The following PCCA variants were observed in gnomAD, a reference collection of about 807,000 sequenced individuals.
The protein encoded by PCCA is propionyl-CoA carboxylase alpha chain, mitochondrial.
Under a neutral mutation model 101.3 loss-of-function variants are expected in PCCA, and 74 were observed. The ratio of observed to expected loss-of-function variants is 0.73; its 90% CI spans 0.61 to 0.89. The LOEUF (loss-of-function observed/expected upper bound fraction) is 0.89, where lower values mean the gene tolerates loss of function less well. PCCA is among the 40% of genes least tolerant of loss of function. PCCA has a pLI of 0.00. For missense variants in PCCA, 891 were observed against 907.0 expected, an observed-to-expected ratio of 0.98 and a Z score of 0.23; for synonymous variants, 294 against 313.6, an observed-to-expected ratio of 0.94 and a Z score of 0.66.
intron 1 of PCCA, among the ~76,000 whole-genome samples, chr13:100,091,829 C>T (rs1241046049): frequency 1.3e-5 from 2 of 152,108 alleles, no homozygotes; most frequent in African/African-American, 4.8e-5. Flanking sequence ...GTTTTTTCTT[C>T]TGCGTAAATG....
At chr13:100,145,006 T>A (rs1037040252) in intron 4 of PCCA, among the ~76,000 whole-genome samples, 1 of 152,138 alleles carries the variant, frequency 6.6e-6, no homozygotes, top group Non-Finnish European at 1.5e-5. Context: ...CCACACTCAG[T>A]GTCCATGAGG....
intron 10 of PCCA, among the ~76,000 whole-genome samples, chr13:100,267,288 G>A (rs1025012245): frequency 6.6e-6 from 1 of 152,150 alleles, no homozygotes; most frequent in Admixed American, 6.5e-5. Flanking sequence ...ACTTCATGCA[G>A]CCACCTTTGA....
intron 9 of PCCA, among the ~76,000 whole-genome samples, chr13:100,260,399 T>TGTGTG (rs66947557): frequency 0.016 from 2,109 of 131,016 alleles, 51 homozygotes; most frequent in African/African-American, 0.055. Flanking sequence ...GTGTGTGTGT[T>TGTGTG]TTTTTTTTTT....
chr13:100,524,406 T>TGTGTGTGTGTGTGC (rs2087566641), intron 22 of PCCA, among the ~76,000 whole-genome samples: 1 of 150,946 alleles, frequency 6.6e-6, no homozygotes, highest in South Asian at 2.1e-4. Flanking sequence ...TGTGTGTGTG[T>TGTGTGTGTGTGTGC]GTGTGTTGGG....
intron 20 of PCCA, among the ~76,000 whole-genome samples, chr13:100,448,413 G>A (rs2080993425): frequency 6.6e-6 from 1 of 152,066 alleles, no homozygotes; most frequent in Admixed American, 6.6e-5. Context: ...GGCTGGTCTT[G>A]AATTCCTCAC....
chr13:100,260,377 A>AG (rs2062402993), intron 9 of PCCA, among the ~76,000 whole-genome samples: 4 of 51,544 alleles, frequency 7.8e-5, no homozygotes, highest in East Asian at 8.1e-4. Flanking sequence ...CAAGCAAATT[A>AG]GTTGTGTGTG....
intron 21 of PCCA, among the ~76,000 whole-genome samples, chr13:100,493,795 C>T (rs371576621): frequency 4.6e-5 from 7 of 152,198 alleles, no homozygotes; most frequent in African/African-American, 1.7e-4. Context: ...GAACACTATT[C>T]TCCACCTCCC....
intron 8 of PCCA, among the ~76,000 whole-genome samples, chr13:100,248,000 C>T (rs1161431674): frequency 6.6e-6 from 1 of 152,192 alleles, no homozygotes; most frequent in South Asian, 2.1e-4. Context: ...TATTAATATT[C>T]CTAAACAAGC....
At chr13:100,431,110 C>T (rs2079520560) in intron 20 of PCCA, among the ~76,000 whole-genome samples, 1 of 152,082 alleles carries the variant, frequency 6.6e-6, no homozygotes, top group African/African-American at 2.4e-5. Flanking sequence ...AACCCTTGGC[C>T]TTCCCAGACT....
chr13:100,456,703 A>C (rs768647245), intron 21 of PCCA, among the ~76,000 whole-genome samples: 37 of 152,196 alleles, frequency 2.4e-4, no homozygotes, highest in Non-Finnish European at 5.0e-4. Context: ...ATGCACTTAT[A>C]AGAAAGATCA....
At chr13:100,140,525 C>G (rs1220212863) in intron 4 of PCCA, among the ~76,000 whole-genome samples, 1 of 152,196 alleles carries the variant, frequency 6.6e-6, no homozygotes, top group Non-Finnish European at 1.5e-5. Flanking sequence ...GGAGTTCTCT[C>G]CATCAGTGTC....
intron 21 of PCCA, among the ~76,000 whole-genome samples, chr13:100,467,898 T>G (rs985202501): frequency 2.0e-5 from 3 of 152,344 alleles, no homozygotes; most frequent in Middle Eastern, 3.4e-3. Flanking sequence ...AAGAAGGTTT[T>G]CAATTTACTT....
At chr13:100,436,556 A>G (rs2079951378) in intron 20 of PCCA, among the ~76,000 whole-genome samples, 1 of 152,176 alleles carries the variant, frequency 6.6e-6, no homozygotes, top group Non-Finnish European at 1.5e-5. Context: ...TTTTCCTTTC[A>G]ATTTAGTTCT....
intron 18 of PCCA, among the ~76,000 whole-genome samples, chr13:100,357,177 G>C (rs2074042226): frequency 6.6e-6 from 1 of 152,086 alleles, no homozygotes. Flanking sequence ...CACTTCAGAT[G>C]GGTTAAATGT....
intron 19 of PCCA, among the ~76,000 whole-genome samples, chr13:100,372,269 T>C (rs2075618805): frequency 6.6e-6 from 1 of 152,166 alleles, no homozygotes; most frequent in South Asian, 2.1e-4. Context: ...GGAGAAGCTC[T>C]TCAACTCAGT....
At chr13:100,242,642 A>C (rs1399050402) in intron 8 of PCCA, among the ~76,000 whole-genome samples, 2 of 152,226 alleles carry the variant, frequency 1.3e-5, no homozygotes, top group Admixed American at 1.3e-4. Context: ...ATTGAGTTAA[A>C]ATAATTGTTA....
chr13:100,461,052 A>G (rs1298771436), intron 21 of PCCA, among the ~76,000 whole-genome samples: 1 of 152,366 alleles, frequency 6.6e-6, no homozygotes, highest in Admixed American at 6.5e-5. Context: ...TCTGGTCTGC[A>G]TATTTCCATA....
intron 21 of PCCA, among the ~76,000 whole-genome samples, chr13:100,494,064 CTG>C (rs1276060510): frequency 2.6e-5 from 4 of 152,116 alleles, no homozygotes; most frequent in Non-Finnish European, 5.9e-5. Flanking sequence ...TGGTGCACGC[CTG>C]TAATCCCAGC....
intron 12 of PCCA, among the ~76,000 whole-genome samples, chr13:100,287,158 G>C (rs1016647686): frequency 2.6e-5 from 4 of 151,940 alleles, no homozygotes; most frequent in Non-Finnish European, 5.9e-5. Flanking sequence ...GCAGATGTAT[G>C]CAGACCTATT....
Sources: gnomAD v4.1 joint callset for allele counts (sites outside exome capture counted in the v4.1 genomes callset) on GRCh38, gnomAD v4.1.1 for gene constraint, MANE v1.5 for transcripts, NCBI Gene and HGNC (gene_info 2026-07-23, HGNC 2026-07-21) for gene names.